The following CDH23 variants were observed in gnomAD, a reference collection of about 807,000 sequenced individuals.
CDH23 encodes the protein cadherin-23.
A neutral mutation model predicts 317.1 loss-of-function variants in CDH23; 189 were observed. The observed-to-expected ratio is 0.60, with a 90% CI of 0.53 to 0.67. The LOEUF (loss-of-function observed/expected upper bound fraction) is 0.67, where lower values mean the gene tolerates loss of function less well. Among genes scored for constraint, CDH23 ranks in the 30% least tolerant of loss-of-function variants. CDH23 has a pLI of 0.00. For synonymous variants in CDH23, 1,839 were observed against 1,876.8 expected (o/e 0.98, Z 0.52); for missense variants, 4,401 against 4,592.4 (o/e 0.96, Z 1.20).
At chr10:71,523,636 G>C (rs1015912591) in intron 6 of CDH23, among the ~76,000 whole-genome samples, 1 of 152,192 alleles carries the variant, frequency 6.6e-6, no homozygotes, top group Non-Finnish European at 1.5e-5. Flanking sequence ...TAGAGATCCC[G>C]TTTAACCGTT....
intron 38 of CDH23, among the ~76,000 whole-genome samples, chr10:71,742,669 C>T (rs1430001082): frequency 6.6e-6 from 1 of 152,232 alleles, no homozygotes; most frequent in Non-Finnish European, 1.5e-5. Flanking sequence ...GAGATAATAT[C>T]TACCTCATAG....
At position 71,812,968 on chromosome 10, in the gene CDH23, A is replaced by G; in HGVS notation, c.9633+78A>G. On this transcript the variant is annotated intron_variant, in intron 68 of 69. Transcript: ENST00000224721. ...CACTCCAGAGAACACAGGGTGGTAG[A>G]GACCTCCAGGCTCAGCTAGACCCAC... is the stretch of plus-strand genomic sequence containing the variant. 2.5e-6 allele frequency: 4 copies of G among 1,576,992 alleles called. No homozygotes were observed. The East Asian group carries it at 9.3e-5, about 37-fold the overall frequency.
chr10:71,730,937 C>G (rs575672493), intron 31 of CDH23, among the ~76,000 whole-genome samples: 3 of 152,314 alleles, frequency 2.0e-5, no homozygotes, highest in Non-Finnish European at 2.9e-5. Flanking sequence ...TAAAGAGGAC[C>G]GGTCAGAAAG....
intron 6 of CDH23, among the ~76,000 whole-genome samples, chr10:71,540,569 C>T (rs566356510): frequency 6.6e-6 from 1 of 152,218 alleles, no homozygotes; most frequent in African/African-American, 2.4e-5. Context: ...GCTTATTCCC[C>T]CCATTTCACT....
chr10:71,464,470 C>T (rs1429279607), intron 3 of CDH23, among the ~76,000 whole-genome samples: 1 of 152,182 alleles, frequency 6.6e-6, no homozygotes, highest in Non-Finnish European at 1.5e-5. Context: ...GCAGTCATTC[C>T]CCCACTGGTC....
intron 38 of CDH23, chr10:71,755,278 T>C: frequency 7.7e-7 from 1 of 1,291,522 alleles, no homozygotes; most frequent in Admixed American, 2.2e-5. Context: ...ATCGTGCCTT[T>C]GCGAATCCCA....
At chr10:71,645,218 C>A (rs1317279052) in intron 12 of CDH23, among the ~76,000 whole-genome samples, 2 of 152,362 alleles carry the variant, frequency 1.3e-5, no homozygotes, top group African/African-American at 2.4e-5. Flanking sequence ...ACCCTGTGCT[C>A]AGTCTGGGAT....
intron 1 of CDH23, among the ~76,000 whole-genome samples, chr10:71,406,044 C>G (rs1366094438): frequency 6.8e-6 from 1 of 146,468 alleles, no homozygotes; most frequent in Non-Finnish European, 1.5e-5. Flanking sequence ...GAGGCAAGGT[C>G]TTTCTCTGTC....
At chr10:71,812,431 C>G in intron 66 of CDH23, 49 bp from the exon 67 acceptor site, 1 of 1,611,392 alleles carries the variant, frequency 6.2e-7, no homozygotes. Flanking sequence ...GGGCACCTGT[C>G]TACTCGAGCC....
chr10:71,424,932 G>C (rs913388137), intron 1 of CDH23, among the ~76,000 whole-genome samples: 4 of 152,190 alleles, frequency 2.6e-5, no homozygotes, highest in African/African-American at 9.6e-5. Flanking sequence ...GGGAGGAAGG[G>C]CATCTGGTCA....
At chr10:71,519,364 A>G (rs553656197) in intron 6 of CDH23, among the ~76,000 whole-genome samples, 1 of 152,364 alleles carries the variant, frequency 6.6e-6, no homozygotes, top group South Asian at 2.1e-4. Flanking sequence ...CTTTCTTTTA[A>G]ATGGTTTCCT....
intron 6 of CDH23, among the ~76,000 whole-genome samples, chr10:71,516,245 C>T (rs1854325947): frequency 6.6e-6 from 1 of 152,206 alleles, no homozygotes; most frequent in Non-Finnish European, 1.5e-5. Flanking sequence ...TGTACAGATC[C>T]TTGTCCCATG....
intron 1 of CDH23, among the ~76,000 whole-genome samples, chr10:71,436,966 A>C (rs1229912508): frequency 6.6e-6 from 1 of 152,218 alleles, no homozygotes; most frequent in East Asian, 1.9e-4. Context: ...TCTTTGCAGG[A>C]TATGATAGGG....
chr10:71,427,608 C>A (rs1024756297), intron 1 of CDH23, among the ~76,000 whole-genome samples: 7 of 152,184 alleles, frequency 4.6e-5, no homozygotes, highest in Middle Eastern at 3.4e-3. Flanking sequence ...AATAATGATG[C>A]CATAAACATT....
At chr10:71,637,703 TG>T (rs1356519394) in intron 11 of CDH23, among the ~76,000 whole-genome samples, 4 of 152,050 alleles carry the variant, frequency 2.6e-5, no homozygotes, top group African/African-American at 9.7e-5. Context: ...GCACTGACTC[TG>T]GGGGCCCCAC....
chr10:71,446,539 T>G, intron 3 of CDH23, 144 bp downstream of exon 3: 1 of 761,050 alleles, frequency 1.3e-6, no homozygotes. Context: ...CCTGCTAGGA[T>G]GCCTCCAGGG....
At chr10:71,734,426 C>T (rs998089753) in intron 33 of CDH23, 85 bp downstream of exon 33, 1 of 1,492,402 alleles carries the variant, frequency 6.7e-7, no homozygotes. Context: ...GCCAGCCACC[C>T]AATGTATGGG....
chr10:71,410,481 G>A (rs1564563467), intron 1 of CDH23, among the ~76,000 whole-genome samples: 1 of 152,184 alleles, frequency 6.6e-6, no homozygotes, highest in African/African-American at 2.4e-5. Context: ...CAGGACAGCT[G>A]TTAGTAGCAC....
At chr10:71,538,878 G>A (rs1316222889) in intron 6 of CDH23, among the ~76,000 whole-genome samples, 1 of 152,202 alleles carries the variant, frequency 6.6e-6, no homozygotes, top group East Asian at 1.9e-4. Context: ...TGGAGGCAGT[G>A]TTTTGCCAAG....
Sources: allele counts gnomAD v4.1 joint callset (sites outside exome capture counted in the v4.1 genomes callset), GRCh38; gene constraint gnomAD v4.1.1; transcripts MANE v1.5; gene names NCBI Gene and HGNC (gene_info 2026-07-23, HGNC 2026-07-21).